The following TRMT1L variants were observed in gnomAD, a reference collection of about 807,000 sequenced individuals.
TRMT1L encodes tRNA (guanine(27)-N(2))-dimethyltransferase.
A neutral mutation model predicts 81.6 loss-of-function variants in TRMT1L; 28 were observed. The observed-to-expected ratio is 0.34, with a 90% confidence interval of 0.25 to 0.47. The LOEUF (loss-of-function observed/expected upper bound fraction) is 0.47, where lower values mean the gene tolerates loss of function less well. Ranked by LOEUF, TRMT1L falls within the 20% of genes least tolerant of loss-of-function variation. The probability of loss-of-function intolerance (pLI) is 1.00; values close to 1 mark genes in which losing one functional copy is unlikely to be tolerated. For missense variants in TRMT1L, 739 were observed against 877.1 expected (o/e 0.84, Z 1.99); for synonymous variants, 301 against 303.2 (o/e 0.99, Z 0.07).
chr1:185,144,066 C>A, intron 5 of TRMT1L, 37 bp from the exon 6 acceptor site: 2 of 1,537,740 alleles, frequency 1.3e-6, no homozygotes, highest in South Asian at 1.3e-5. Flanking sequence ...CAGGGAAACA[C>A]AAAATAATTC....
At position 185,123,840 on chromosome 1, in the gene TRMT1L, C is replaced by A. The variant is rs372760010; in HGVS notation, c.1822+17G>T. 2.4e-5 allele frequency: 35 copies of A among 1,457,556 alleles called. No individual in the cohort carries two copies. The highest frequency in any genetic ancestry group is 1.2e-5 in the Non-Finnish European group (13 of 1,087,230). 90.3% of individuals were successfully genotyped at this position (1,457,556 alleles called of 1,614,324 possible). On this transcript the variant is annotated intron_variant, in intron 13 of 14. Transcript: ENST00000367506. ...GACCTGATATGTACATATGTACACA[C>A]ATATATGCATACATACCTTGTGCAA...
At chr1:185,131,917 G>A (rs1652780545) in intron 10 of TRMT1L, among the ~76,000 whole-genome samples, 1 of 152,106 alleles carries the variant, frequency 6.6e-6, no homozygotes, top group Non-Finnish European at 1.5e-5. Flanking sequence ...GAGGTAGGCA[G>A]ATCACTTGAG....
upstream of TRMT1L, chr1:185,157,213 C>G (rs1188830383): frequency 6.3e-6 from 1 of 157,678 alleles, no homozygotes; most frequent in African/African-American, 2.4e-5. Context: ...TCCCAGCAGG[C>G]ATACAGTTGG....
rs1481895640 is a variant in TRMT1L, at chr1:185,118,600, ACAG to A, written c.*1416_*1418del. The A allele has an allele frequency of 6.6e-6, 1 of 152,132 alleles. No homozygotes were observed. The highest frequency in any genetic ancestry group is 2.4e-5 in the African/African-American group (1 of 41,450). The allele number at this position is 152,132 out of a possible 1,614,324, so 9.4% of individuals were successfully genotyped here. A position where few individuals can be genotyped will look rare whatever the true frequency, so the allele number is the denominator to read the frequency against. ...TATAATTTTAACTGGCAAGAATTAC[ACAG>A]CAGAATTTTTTTAATGGTCATTATA... is the stretch of plus-strand genomic sequence containing the variant. On this transcript the variant is annotated 3_prime_UTR_variant, in exon 15 of 15. Coordinates refer to ENST00000367506, the MANE Select transcript of TRMT1L (RefSeq NM_030934.5).
At chr1:185,155,386 T>C (rs1653480177) in intron 1 of TRMT1L, among the ~76,000 whole-genome samples, 1 of 152,188 alleles carries the variant, frequency 6.6e-6, no homozygotes, top group South Asian at 2.1e-4. Flanking sequence ...TGGCCTTATT[T>C]TGTACCTACA....
chr1:185,139,525 A>G lies in TRMT1L; in HGVS notation c.1164T>C (p.Asn388=). 1 of 1,613,966 alleles carries G rather than the reference A, an allele frequency of 6.2e-7. No individual in the cohort carries two copies. The highest frequency in any genetic ancestry group is 1.3e-5 in the African/African-American group (1 of 75,050). Residue 388 remains asparagine, a synonymous_variant, in exon 9 of 15, where the codon AAT becomes AAC. Transcript: ENST00000367506. ...SVNYLDSAFR[N]IRNLGIVSVT... ...CTGACACTATGCCAAGGTTTCTTAT[A>G]TTTCTGAATGCAGAATCTAGATAAT...
chr1:185,136,428 T>C (rs975076047), intron 10 of TRMT1L, among the ~76,000 whole-genome samples: 4 of 151,694 alleles, frequency 2.6e-5, no homozygotes, highest in African/African-American at 9.7e-5. Flanking sequence ...AATAAAAAAA[T>C]AGAAAGCGCT....
intron 3 of TRMT1L, 34 bp downstream of exon 3, chr1:185,150,345 T>C (rs1417927896): frequency 4.9e-6 from 7 of 1,434,430 alleles, no homozygotes; most frequent in Non-Finnish European, 4.9e-6. Flanking sequence ...GAATTTCATA[T>C]ATATTACTTC....
At chr1:185,132,097 C>T (rs1652784769) in intron 10 of TRMT1L, among the ~76,000 whole-genome samples, 2 of 151,956 alleles carry the variant, frequency 1.3e-5, no homozygotes, top group South Asian at 4.2e-4. Context: ...GCCAAGATCA[C>T]ACCACTGCAC....
At chr1:185,133,368 T>C (rs1353307557) in intron 10 of TRMT1L, among the ~76,000 whole-genome samples, 1 of 152,096 alleles carries the variant, frequency 6.6e-6, no homozygotes, top group African/African-American at 2.4e-5. Context: ...CGGATTCATA[T>C]GGTTTATCTG....
intron 10 of TRMT1L, 78 bp downstream of exon 10, chr1:185,137,528 A>G: frequency 7.3e-7 from 1 of 1,366,598 alleles, no homozygotes; most frequent in Non-Finnish European, 1.0e-6. Context: ...AAGGACAACA[A>G]TATGTATAAT....
rs912189277 is a variant in TRMT1L at position 185,137,252 on chromosome 1, C to T, written c.1513+354G>A. ...CATTTTATAACTGATGGCTTTTATACACAGCCAGAAACATGAAAATTATTT... is the reference window on the plus strand; with the variant it reads ...CATTTTATAACTGATGGCTTTTATATACAGCCAGAAACATGAAAATTATTT... On this transcript the variant is annotated intron_variant, in intron 10 of 14. Coordinates refer to ENST00000367506, the MANE Select transcript of TRMT1L (RefSeq NM_030934.5). Among the ~76,000 whole-genome samples the T allele has an allele frequency of 6.6e-5, 10 of 152,230 alleles. No individual in the cohort carries two copies. In the Middle Eastern group the frequency reaches 0.01, roughly 155 times the overall value.
At chr1:185,137,927 T>C in intron 9 of TRMT1L, 131 bp from the exon 10 acceptor site, 1 of 766,404 alleles carries the variant, frequency 1.3e-6, no homozygotes, top group Non-Finnish European at 2.0e-6. Flanking sequence ...CAATTCTCAG[T>C]AGCAGTGCTT....
chr1:185,156,765 C>T lies in TRMT1L; in HGVS notation c.-53G>A. ...CGGGGACCCGGAGCGGGGCTCACGG[C>T]GGGGTCAGAGAACTGACGTGAATGC... On this transcript the variant is annotated 5_prime_UTR_variant, in exon 1 of 15. Transcript: ENST00000367506. 2 of 1,604,302 alleles carry T rather than the reference C, an allele frequency of 1.2e-6. No individual in the cohort carries two copies. The highest frequency in any genetic ancestry group is 8.5e-7 in the Non-Finnish European group (1 of 1,176,084).
At chr1:185,143,269 T>C (rs1653097848) in intron 7 of TRMT1L, 88 bp downstream of exon 7, 2 of 1,210,252 alleles carry the variant, frequency 1.7e-6, no homozygotes, top group African/African-American at 3.1e-5. Flanking sequence ...TTAATTTTTT[T>C]ACATCACTGC....
At chr1:185,125,619 A>G (rs1652605068) in intron 11 of TRMT1L, among the ~76,000 whole-genome samples, 1 of 152,244 alleles carries the variant, frequency 6.6e-6, no homozygotes, top group Non-Finnish European at 1.5e-5. Flanking sequence ...GTAAAAGAAT[A>G]TAAATGTATT....
Position 185,147,262 on chromosome 1 carries a change from G to C in TRMT1L, c.461-16C>G, listed in dbSNP as rs770282810. The C allele has an allele frequency of 1.8e-5, 29 of 1,584,026 alleles. No individual in the cohort carries two copies. The highest frequency in any genetic ancestry group is 2.2e-5 in the Non-Finnish European group (26 of 1,159,668). ...ATCCTGTAACCTAAAATAAAGAATG[G>C]CTGGTTATCATACATTGTTCATTAA... On this transcript the variant is annotated splice_polypyrimidine_tract_variant and intron_variant, in intron 3 of 14. Transcript: ENST00000367506.
chr1:185,124,296 T>C (rs1652568382), intron 12 of TRMT1L, among the ~76,000 whole-genome samples: 1 of 152,052 alleles, frequency 6.6e-6, no homozygotes, highest in Non-Finnish European at 1.5e-5. Flanking sequence ...TTTCTTTTTC[T>C]AGAAAGCACA....
intron 11 of TRMT1L, among the ~76,000 whole-genome samples, chr1:185,126,040 A>G (rs1652620052): frequency 6.6e-6 from 1 of 152,168 alleles, no homozygotes; most frequent in Non-Finnish European, 1.5e-5. Flanking sequence ...TGGACAAAAT[A>G]TGAAATTCTG....
Sources: allele counts gnomAD v4.1 joint callset (sites outside exome capture counted in the v4.1 genomes callset), GRCh38; gene constraint gnomAD v4.1.1; transcripts MANE v1.5; gene names NCBI Gene and HGNC (gene_info 2026-07-23, HGNC 2026-07-21).